The following TNR variants were observed in gnomAD, a reference collection of about 807,000 sequenced individuals.
TNR encodes tenascin-R.
TNR carries 45 observed loss-of-function variants against 150.4 expected under a neutral mutation model. That is an observed-to-expected ratio of 0.30 (90% CI 0.24 to 0.38). TNR has a LOEUF of 0.38. Ranked by LOEUF, TNR falls within the 10% of genes least tolerant of loss-of-function variation. The pLI, the probability that TNR is intolerant of heterozygous loss-of-function variation, is 1.00. For synonymous variants in TNR, 687 were observed against 678.4 expected, an observed-to-expected ratio of 1.01 and a Z score of -0.20; for missense variants, 1,544 against 1,759.1, an observed-to-expected ratio of 0.88 and a Z score of 2.19.
chr1:175,556,605 G>C (rs974035283), intron 1 of TNR: 1 of 152,696 alleles, frequency 6.5e-6, no homozygotes, highest in Non-Finnish European at 1.5e-5. Flanking sequence ...TCTGAACTCT[G>C]CTTTCTTGGT....
chr1:175,570,002 C>A (rs1363263714), intron 1 of TNR, among the ~76,000 whole-genome samples: 1 of 152,214 alleles, frequency 6.6e-6, no homozygotes, highest in East Asian at 1.9e-4. Context: ...CGGCCAAGAC[C>A]TTATGCATCC....
At chr1:175,581,963 A>G (rs1662366283) in intron 1 of TNR, among the ~76,000 whole-genome samples, 1 of 152,182 alleles carries the variant, frequency 6.6e-6, no homozygotes, top group Non-Finnish European at 1.5e-5. Flanking sequence ...GACTAGAGCA[A>G]AACCAATCAA....
At chr1:175,472,213 T>C (rs1048340210) in intron 2 of TNR, among the ~76,000 whole-genome samples, 5 of 152,170 alleles carry the variant, frequency 3.3e-5, no homozygotes, top group Admixed American at 2.0e-4. Context: ...TCAATATCAC[T>C]GTCTTCCACC....
chr1:175,722,466 T>G (rs1024601890), intron 1 of TNR, among the ~76,000 whole-genome samples: 2 of 152,178 alleles, frequency 1.3e-5, no homozygotes, highest in Admixed American at 1.3e-4. Context: ...ATTTTTCCTG[T>G]CTTTTTAATT....
chr1:175,514,107 AGC>A (rs1323467864), intron 2 of TNR, among the ~76,000 whole-genome samples: 2 of 152,232 alleles, frequency 1.3e-5, no homozygotes, highest in Non-Finnish European at 2.9e-5. Flanking sequence ...TACCTTATAT[AGC>A]TAAGGGGACT....
Position 175,355,537 on chromosome 1 carries a change from A to C in TNR, c.3215T>G (p.Val1072Gly). ...TCCATCGGTGGATTTGTAGGTCAAG[A>C]CATAATTTTCAATCTCTGCCCTGGG... ...QPPRAEIENY[V>G]LTYKSTDGSR... Residue 1072 changes from valine (V) to glycine (G), a missense_variant, in exon 17 of 23, where the codon GTC (valine) becomes GGC (glycine). Physicochemically the swap from Val to Gly is moderately radical, Grantham distance 109 (BLOSUM62 -3). Coordinates refer to ENST00000367674, the MANE Select transcript of TNR (RefSeq NM_003285.3). 1 of 1,614,052 alleles carries C rather than the reference A, an allele frequency of 6.2e-7. No homozygotes were observed. Among genetic ancestry groups the C allele is most frequent in the Non-Finnish European group, 8.5e-7 (1 of 1,179,914 alleles).
chr1:175,435,548 A>C, intron 2 of TNR, among the ~76,000 whole-genome samples: 1 of 152,220 alleles, frequency 6.6e-6, no homozygotes, highest in East Asian at 1.9e-4. Flanking sequence ...ACGAATCTGG[A>C]ATTCAAGGGA....
intron 2 of TNR, among the ~76,000 whole-genome samples, chr1:175,509,428 T>C (rs546922475): frequency 1.3e-5 from 2 of 152,326 alleles, no homozygotes; most frequent in South Asian, 4.1e-4. Context: ...TCCACTGTAT[T>C]CTTCTGCTCC....
At chr1:175,420,759 C>T (rs756221593) in intron 2 of TNR, among the ~76,000 whole-genome samples, 2 of 152,134 alleles carry the variant, frequency 1.3e-5, no homozygotes, top group African/African-American at 2.4e-5. Context: ...GATGAGTAAA[C>T]TAAGGCTCAA....
chr1:175,502,435 A>G (rs1658775754), intron 2 of TNR, among the ~76,000 whole-genome samples: 1 of 152,142 alleles, frequency 6.6e-6, no homozygotes, highest in African/African-American at 2.4e-5. Flanking sequence ...CCCTTTCCAG[A>G]TCTTTGCAGG....
At chr1:175,537,323 A>G (rs141577975) in intron 1 of TNR, among the ~76,000 whole-genome samples, 1 of 152,310 alleles carries the variant, frequency 6.6e-6, no homozygotes, top group African/African-American at 2.4e-5. Context: ...CACCTGATAT[A>G]AAGCCCTTCC....
chr1:175,375,385 G>T (rs973682201), intron 9 of TNR, among the ~76,000 whole-genome samples: 9 of 152,134 alleles, frequency 5.9e-5, no homozygotes, highest in Non-Finnish European at 1.3e-4. Flanking sequence ...CTAGAGCAGA[G>T]AGAAAAAGTC....
chr1:175,586,301 C>G (rs1044668674), intron 1 of TNR, among the ~76,000 whole-genome samples: 1 of 152,128 alleles, frequency 6.6e-6, no homozygotes, highest in Non-Finnish European at 1.5e-5. Context: ...TTTTATTTCT[C>G]TTTTCTATAT....
At chr1:175,639,204 C>A (rs912429858) in intron 1 of TNR, among the ~76,000 whole-genome samples, 1 of 152,148 alleles carries the variant, frequency 6.6e-6, no homozygotes, top group Non-Finnish European at 1.5e-5. Context: ...CTGAGGAGAG[C>A]AAAGATTACC....
At chr1:175,503,293 T>G (rs1658816795) in intron 2 of TNR, among the ~76,000 whole-genome samples, 1 of 152,216 alleles carries the variant, frequency 6.6e-6, no homozygotes, top group Admixed American at 6.5e-5. Context: ...GCCTCGGTGC[T>G]CAGAGTTTAA....
At chr1:175,389,625 T>C (rs1480938475) in intron 7 of TNR, among the ~76,000 whole-genome samples, 2 of 152,258 alleles carry the variant, frequency 1.3e-5, no homozygotes, top group African/African-American at 2.4e-5. Flanking sequence ...TGGGTCTTCA[T>C]TTCTGAAGGC....
intron 2 of TNR, among the ~76,000 whole-genome samples, chr1:175,527,798 A>AG (rs1284990890): frequency 3.3e-5 from 5 of 152,244 alleles, no homozygotes; most frequent in Non-Finnish European, 7.3e-5. Flanking sequence ...ATAAAATGAC[A>AG]GGTTTTTCCT....
intron 1 of TNR, among the ~76,000 whole-genome samples, chr1:175,690,843 A>G (rs951489988): frequency 6.6e-6 from 1 of 152,082 alleles, no homozygotes. Context: ...GAAGGAGGAG[A>G]GAAGATTGAA....
At chr1:175,494,599 A>G (rs946740348) in intron 2 of TNR, among the ~76,000 whole-genome samples, 3 of 152,196 alleles carry the variant, frequency 2.0e-5, no homozygotes, top group African/African-American at 7.2e-5. Flanking sequence ...CAGGTATCTG[A>G]CACTGGGCTC....
Sources: allele counts gnomAD v4.1 joint callset (sites outside exome capture counted in the v4.1 genomes callset), GRCh38; gene constraint gnomAD v4.1.1; transcripts MANE v1.5; gene names NCBI Gene and HGNC (gene_info 2026-07-23, HGNC 2026-07-21).